The following ABCC9 variants were observed in gnomAD, a reference collection of about 807,000 sequenced individuals.
ABCC9 encodes the protein ATP-binding cassette sub-family C member 9.
ABCC9 carries 95 observed loss-of-function variants against 188.3 expected under a neutral mutation model. The ratio of observed to expected loss-of-function variants is 0.50; its 90% CI spans 0.43 to 0.60. The LOEUF (loss-of-function observed/expected upper bound fraction) is 0.60. Among genes scored for constraint, ABCC9 ranks in the 20% least tolerant of loss-of-function variants. The probability of loss-of-function intolerance (pLI) is 0.00; values close to 1 mark genes in which losing one functional copy is unlikely to be tolerated. For missense variants in ABCC9, 1,102 were observed against 1,876.3 expected, an observed-to-expected ratio of 0.59 and a Z score of 7.62; for synonymous variants, 659 against 652.7, an observed-to-expected ratio of 1.01 and a Z score of -0.15.
intron 22 of ABCC9, among the ~76,000 whole-genome samples, chr12:21,855,699 A>G (rs1945192176): frequency 6.6e-6 from 1 of 152,210 alleles, no homozygotes; most frequent in Non-Finnish European, 1.5e-5. Context: ...AGCACCTTGG[A>G]TTGCTGCAAA....
intron 16 of ABCC9, among the ~76,000 whole-genome samples, chr12:21,877,878 T>C (rs1946441168): frequency 6.6e-6 from 1 of 152,204 alleles, no homozygotes; most frequent in Non-Finnish European, 1.5e-5. Flanking sequence ...TATATCATTG[T>C]GTCACCTTCT....
intron 21 of ABCC9, among the ~76,000 whole-genome samples, chr12:21,860,640 G>A (rs1170089587): frequency 1.3e-5 from 2 of 152,124 alleles, no homozygotes; most frequent in Non-Finnish European, 2.9e-5. Flanking sequence ...GAGAAGCTAT[G>A]GAAAGTAATC....
intron 2 of ABCC9, chr12:21,938,187 A>G (rs1452706547): frequency 6.6e-6 from 1 of 152,192 alleles, no homozygotes; most frequent in African/African-American, 2.4e-5. Context: ...TGCCTCAGCT[A>G]AAGAGTCTGT....
chr12:21,807,571 AC>A, intron 37 of ABCC9, 92 bp from the exon 38 acceptor site: 1 of 1,546,252 alleles, frequency 6.5e-7, no homozygotes, highest in Non-Finnish European at 8.9e-7. Flanking sequence ...ATGTTGTATG[AC>A]AGCATGATGG....
intron 12 of ABCC9, among the ~76,000 whole-genome samples, chr12:21,904,224 T>G (rs1243993743): frequency 1.3e-5 from 2 of 152,212 alleles, no homozygotes; most frequent in Non-Finnish European, 2.9e-5. Flanking sequence ...TGGCTATCCA[T>G]ATGTAGAAAG....
intron 18 of ABCC9, among the ~76,000 whole-genome samples, chr12:21,868,913 A>G (rs1015402694): frequency 6.6e-6 from 1 of 152,194 alleles, no homozygotes; most frequent in Non-Finnish European, 1.5e-5. Flanking sequence ...TTCTGGAATG[A>G]AAAGAGTAAT....
At chr12:21,925,707 T>A in intron 5 of ABCC9, 1 of 618,222 alleles carries the variant, frequency 1.6e-6, no homozygotes, top group South Asian at 1.9e-5. Flanking sequence ...CAGAGAGCAT[T>A]TATTGCAGAA....
rs1591967962 is a variant in ABCC9, at chr12:21,817,131, C to T, written c.3892+56G>A. On this transcript the variant is annotated intron_variant, in intron 33 of 39. Coordinates refer to ENST00000261200, the MANE Select transcript of ABCC9 (RefSeq NM_020297.4). ...GAAACAACAATGTGCCCAACAAACA[C>T]TAATATTTGTTTAAAATAAATATTT... The T allele has an allele frequency of 1.9e-6, 3 of 1,566,264 alleles. No homozygotes were observed. In the East Asian group the frequency reaches 6.7e-5, roughly 35 times the overall value.
intron 14 of ABCC9, among the ~76,000 whole-genome samples, chr12:21,892,036 A>G (rs539149236): frequency 1.1e-4 from 16 of 152,348 alleles, no homozygotes; most frequent in African/African-American, 3.8e-4. Flanking sequence ...ATTTGAGAGA[A>G]TCAGGCTTTT....
intron 30 of ABCC9, among the ~76,000 whole-genome samples, chr12:21,829,616 G>A (rs2137279888): frequency 6.6e-6 from 1 of 152,258 alleles, no homozygotes; most frequent in African/African-American, 2.4e-5. Context: ...CTAGGAAAAA[G>A]AGTCCTTCTA....
chr12:21,798,664 T>G lies in ABCC9; in HGVS notation c.*2380A>C, dbSNP rs1941277922. ...TTTTGCTGTGCAGAAGCTCTTTAGT[T>G]TAACCATTGTGGAAGTCAGTGTGGC... On this transcript the variant is annotated 3_prime_UTR_variant, in exon 40 of 40. Coordinates refer to ENST00000261200, the MANE Select transcript of ABCC9 (RefSeq NM_020297.4). 1 of 152,100 alleles carries G rather than the reference T, an allele frequency of 6.6e-6. No homozygotes were observed. The highest frequency in any genetic ancestry group is 1.5e-5 in the Non-Finnish European group (1 of 68,046). The allele number at this position is 152,100 out of a possible 1,614,324, so 9.4% of individuals were successfully genotyped here. A position where few individuals can be genotyped will look rare whatever the true frequency, so the allele number is the denominator to read the frequency against.
intron 12 of ABCC9, among the ~76,000 whole-genome samples, chr12:21,905,428 A>G (rs1387297068): frequency 2.0e-5 from 3 of 151,964 alleles, no homozygotes; most frequent in Non-Finnish European, 4.4e-5. Context: ...AAAAAAAAGA[A>G]TGCTATGATT....
chr12:21,823,759 C>A (rs912821326), intron 31 of ABCC9, among the ~76,000 whole-genome samples: 1 of 152,122 alleles, frequency 6.6e-6, no homozygotes, highest in Non-Finnish European at 1.5e-5. Context: ...CTGTGCTGAA[C>A]GAGAGGACGC....
At position 21,906,277 on chromosome 12, in the gene ABCC9, A is replaced by G. The variant is rs1176343842; in HGVS notation, c.1467T>C (p.Thr489=). 1.2e-6 allele frequency: 2 copies of G among 1,610,272 alleles called. No individual in the cohort carries two copies. The highest frequency in any genetic ancestry group is 1.7e-6 in the Non-Finnish European group (2 of 1,177,648). The change falls in exon 12 of 40, where the codon ACT becomes ACC. Residue 489 remains threonine (T), a synonymous_variant. Coordinates refer to ENST00000261200, the MANE Select transcript of ABCC9 (RefSeq NM_020297.4). ...EAQKSTLDYS[T]ERLKKTNEIL... ...TTTCATTTGTTTTCTTGAGTCTCTC[A>G]GTGGAATAATCCTATAAAACAAAGG...
rs1484026315 is a variant in ABCC9 at position 21,799,138 on chromosome 12, C to T, written c.*1906G>A. 3 of 149,364 alleles carry T rather than the reference C, an allele frequency of 2.0e-5. No individual in the cohort carries two copies. The highest frequency in any genetic ancestry group is 4.4e-5 in the Non-Finnish European group (3 of 67,520). The allele number at this position is 149,364 out of a possible 1,614,324, so 9.3% of individuals were successfully genotyped here. A position where few individuals can be genotyped will look rare whatever the true frequency, so the allele number is the denominator to read the frequency against. On this transcript the variant is annotated 3_prime_UTR_variant, in exon 40 of 40. Coordinates refer to ENST00000261200, the MANE Select transcript of ABCC9 (RefSeq NM_020297.4). ...GGGAGGGATAGCATTGGGAGATATA[C>T]CTAATGCTAGATGACGAGTTAGTGG...
At chr12:21,890,020 A>G (rs1490134127) in intron 14 of ABCC9, among the ~76,000 whole-genome samples, 1 of 152,176 alleles carries the variant, frequency 6.6e-6, no homozygotes, top group Non-Finnish European at 1.5e-5. Flanking sequence ...AAAGATTTTC[A>G]TCTTTAGAAT....
chr12:21,876,054 AAAAAT>A (rs911894866), intron 16 of ABCC9, among the ~76,000 whole-genome samples: 32 of 152,294 alleles, frequency 2.1e-4, no homozygotes, highest in Admixed American at 1.2e-3. Flanking sequence ...TCCATCTTGG[AAAAAT>A]AAAATAAAAT....
chr12:21,844,437 C>G (rs1337500403), intron 28 of ABCC9, 46 bp downstream of exon 28: 1 of 1,444,758 alleles, frequency 6.9e-7, no homozygotes, highest in East Asian at 2.3e-5. Flanking sequence ...ATTTAGCTTA[C>G]ATTGTGAAAC....
At chr12:21,864,348 A>T in intron 19 of ABCC9, 91 bp downstream of exon 19, 2 of 981,162 alleles carry the variant, frequency 2.0e-6, no homozygotes, top group Non-Finnish European at 3.2e-6. Flanking sequence ...ATAACTATAC[A>T]TTATCAGAGT....
Sources: allele counts gnomAD v4.1 joint callset (sites outside exome capture counted in the v4.1 genomes callset), GRCh38; gene constraint gnomAD v4.1.1; transcripts MANE v1.5; gene names NCBI Gene and HGNC (gene_info 2026-07-23, HGNC 2026-07-21).